The following MFHAS1 variants were observed in gnomAD, a reference collection of about 807,000 sequenced individuals.
MFHAS1 encodes the protein malignant fibrous histiocytoma-amplified sequence 1.
MFHAS1 carries 50 observed loss-of-function variants against 70.4 expected under a neutral mutation model. The ratio of observed to expected loss-of-function variants is 0.71; its 90% CI spans 0.57 to 0.90. The LOEUF (loss-of-function observed/expected upper bound fraction) is 0.90, where lower values mean the gene tolerates loss of function less well. MFHAS1 is among the 40% of genes least tolerant of loss of function. The probability of loss-of-function intolerance (pLI) is 0.00; values close to 1 mark genes in which losing one functional copy is unlikely to be tolerated. For synonymous variants in MFHAS1, 952 were observed against 620.0 expected, an observed-to-expected ratio of 1.54 and a Z score of -7.96; for missense variants, 1,795 against 1,347.6, an observed-to-expected ratio of 1.33 and a Z score of -5.20.
At chr8:8,844,651 A>T (rs1245893079) in intron 1 of MFHAS1, among the ~76,000 whole-genome samples, 1 of 152,140 alleles carries the variant, frequency 6.6e-6, no homozygotes, top group Non-Finnish European at 1.5e-5. Flanking sequence ...TTCTCAGACC[A>T]TCTCTCATGC....
chr8:8,890,814 G>C lies in MFHAS1; in HGVS notation c.2245C>G (p.Leu749Val). 1 of 1,614,226 alleles carries C rather than the reference G, an allele frequency of 6.2e-7. No homozygotes were observed. The highest frequency in any genetic ancestry group is 2.2e-5 in the East Asian group (1 of 44,888). ...VFFQRDPSLLLHKLLLGTSGE... is the reference protein window; with the variant it reads ...VFFQRDPSLLVHKLLLGTSGE... ...CTGGTCCCTAGGAGCAGCTTATGCA[G>C]CAGCAAAGAGGGATCCCTCTGGAAG... is the stretch of plus-strand genomic sequence containing the variant. The change falls in exon 1 of 3, where the codon CTG (leucine) becomes GTG (valine). Residue 749 changes from leucine to valine, a missense_variant. Physicochemically the swap from Leu to Val is conservative, Grantham distance 32. Transcript: ENST00000276282.
Position 8,890,951 on chromosome 8 carries a change from G to T in MFHAS1, c.2108C>A (p.Ala703Asp), listed in dbSNP as rs1306307772. 6.2e-7 allele frequency: 1 copy of T among 1,614,022 alleles called. No individual in the cohort carries two copies. The highest frequency in any genetic ancestry group is 1.1e-5 in the South Asian group (1 of 91,082). The change falls in exon 1 of 3, where the codon GCC (alanine) becomes GAC (aspartate). Residue 703 changes from alanine (A) to aspartate (D), a missense_variant. By Grantham distance (126) the Ala-to-Asp change is moderately radical. Transcript: ENST00000276282. ...GCCGCTCTCATGCAGGTAGGAGAGG[G>T]CACTCTGCAGTCGGTCCTCGGTCAG... ...AGLTEDRLQS[A>D]LSYLHESGKL...
At chr8:8,801,141 G>C (rs1282506439) in intron 1 of MFHAS1, among the ~76,000 whole-genome samples, 1 of 152,032 alleles carries the variant, frequency 6.6e-6, no homozygotes, top group African/African-American at 2.4e-5. Context: ...CTTGAACCTG[G>C]GAAGTGGAGG....
At chr8:8,815,127 T>C (rs1806693688) in intron 1 of MFHAS1, among the ~76,000 whole-genome samples, 1 of 152,212 alleles carries the variant, frequency 6.6e-6, no homozygotes, top group Non-Finnish European at 1.5e-5. Context: ...TTTGGTTTTC[T>C]GTTCCTGTGT....
chr8:8,828,422 G>A (rs1807245415), intron 1 of MFHAS1, among the ~76,000 whole-genome samples: 1 of 152,166 alleles, frequency 6.6e-6, no homozygotes, highest in Admixed American at 6.5e-5. Context: ...CTGACCTAGG[G>A]CAGTCTGAAG....
Position 8,892,747 on chromosome 8 carries a change from CG to C in MFHAS1, c.311del (p.Pro104ArgfsTer15). On this transcript the variant is annotated frameshift_variant, in exon 1 of 3. Transcript: ENST00000276282. LOFTEE classifies it high-confidence loss of function. The surrounding 1 kb of genome is among the most constrained non-coding windows in gnomAD (Gnocchi z 4.7). ...LRRNRFARLP[P>X]AVAELGHHLT... is the part of the protein sequence containing the mutation. Reference sequence around the variant, plus strand: ...GGTGGTGGCCGAGCTCGGCCACCGCCGGGGGCAGCCGGGCGAAGCGGTTCCT... The same window carrying C: ...GGTGGTGGCCGAGCTCGGCCACCGCCGGGGCAGCCGGGCGAAGCGGTTCCT... 5 of 1,573,798 alleles carry C rather than the reference CG, an allele frequency of 3.2e-6. No individual in the cohort carries two copies. Among genetic ancestry groups the C allele is most frequent in the Non-Finnish European group, 3.4e-6 (4 of 1,162,326 alleles).
At chr8:8,861,401 A>G (rs916625300) in intron 1 of MFHAS1, among the ~76,000 whole-genome samples, 2 of 152,198 alleles carry the variant, frequency 1.3e-5, no homozygotes, top group African/African-American at 4.8e-5. Flanking sequence ...ATAATCAATC[A>G]CACAAACTAA....
intron 1 of MFHAS1, among the ~76,000 whole-genome samples, chr8:8,874,325 A>G (rs1183371181): frequency 7.4e-6 from 1 of 135,664 alleles, no homozygotes; most frequent in African/African-American, 3.0e-5. Context: ...ATATACTATA[A>G]CATTCTACAC....
chr8:8,805,687 GT>G (rs1429755545), intron 1 of MFHAS1, among the ~76,000 whole-genome samples: 3 of 151,974 alleles, frequency 2.0e-5, no homozygotes, highest in Non-Finnish European at 4.4e-5. Context: ...TGTTTGGAGG[GT>G]TTTTTGTTTT....
intron 1 of MFHAS1, among the ~76,000 whole-genome samples, chr8:8,806,270 A>C (rs1308573709): frequency 6.6e-6 from 1 of 152,154 alleles, no homozygotes; most frequent in Non-Finnish European, 1.5e-5. Context: ...GTCCATTACA[A>C]CACTGGGATG....
At chr8:8,795,566 A>G (rs1464898760) in intron 2 of MFHAS1, among the ~76,000 whole-genome samples, 1 of 152,252 alleles carries the variant, frequency 6.6e-6, no homozygotes, top group Non-Finnish European at 1.5e-5. Context: ...GTGTTCGGTG[A>G]TATTTTCCAG....
At chr8:8,861,349 G>T (rs1194338783) in intron 1 of MFHAS1, among the ~76,000 whole-genome samples, 2 of 152,146 alleles carry the variant, frequency 1.3e-5, no homozygotes, top group Admixed American at 1.3e-4. Flanking sequence ...GGTCAAGAAT[G>T]ATTGGATATC....
rs778259092 is a variant in MFHAS1 at position 8,892,515 on chromosome 8, G to A, written c.544C>T (p.Arg182Cys). 8.1e-6 allele frequency: 13 copies of A among 1,598,510 alleles called. No homozygotes were observed. In the Admixed American group the frequency reaches 1.1e-4, roughly 13 times the overall value. Residue 182 changes from arginine to cysteine, a missense_variant, in exon 1 of 3, where the codon CGC (arginine) becomes TGC (cysteine). Transcript: ENST00000276282. The surrounding 1 kb of genome is among the most constrained non-coding windows in gnomAD (Gnocchi z 4.7). ...TGATCCACGTCCAGGGTGCGCAGGC[G>A]GGAGAGGCAGGAGAGGGAGTCAGGC... ...HLPDSLSCLS[R>C]LRTLDVDHNQ...
At chr8:8,855,379 T>C (rs1372395821) in intron 1 of MFHAS1, among the ~76,000 whole-genome samples, 1 of 152,218 alleles carries the variant, frequency 6.6e-6, no homozygotes, top group Non-Finnish European at 1.5e-5. Context: ...TGAACTAGAA[T>C]CATACAATGG....
chr8:8,840,453 T>C (rs1293204554), intron 1 of MFHAS1, among the ~76,000 whole-genome samples: 6 of 118,566 alleles, frequency 5.1e-5, no homozygotes, highest in Non-Finnish European at 8.2e-5. Context: ...TGAGACTCCA[T>C]CTCAATACAA....
intron 1 of MFHAS1, among the ~76,000 whole-genome samples, chr8:8,803,541 A>T (rs957719805): frequency 4.0e-5 from 6 of 151,896 alleles, no homozygotes; most frequent in African/African-American, 1.4e-4. Flanking sequence ...AGAAAGAAAA[A>T]GAAAACTAAA....
At chr8:8,813,469 C>A (rs1806625373) in intron 1 of MFHAS1, among the ~76,000 whole-genome samples, 2 of 152,140 alleles carry the variant, frequency 1.3e-5, no homozygotes, top group African/African-American at 4.8e-5. Flanking sequence ...TGAAGATCTT[C>A]CAGTGCGACA....
rs1805438445 is a variant in MFHAS1 at position 8,783,703 on chromosome 8, G to GCT, written c.*2317_*2318dup. On this transcript the variant is annotated 3_prime_UTR_variant, in exon 3 of 3. Coordinates refer to ENST00000276282, the MANE Select transcript of MFHAS1 (RefSeq NM_004225.3). Reference sequence around the variant, plus strand: ...TTGTTTGAGAGGCAAGGGACGCCTTGCTTAGAAAACATTCCTCTTGTGCTT... The same window carrying GCT: ...TTGTTTGAGAGGCAAGGGACGCCTTGCTCTTAGAAAACATTCCTCTTGTGCTT... The GCT allele has an allele frequency of 6.6e-6, 1 of 152,150 alleles. No individual in the cohort carries two copies. Among genetic ancestry groups the GCT allele is most frequent in the Non-Finnish European group, 1.5e-5 (1 of 68,034 alleles). 9.4% of individuals were successfully genotyped at this position (152,150 alleles called of 1,614,324 possible). A position where few individuals can be genotyped will look rare whatever the true frequency, so the allele number is the denominator to read the frequency against.
At chr8:8,856,118 T>C (rs1808428953) in intron 1 of MFHAS1, among the ~76,000 whole-genome samples, 1 of 152,142 alleles carries the variant, frequency 6.6e-6, no homozygotes, top group South Asian at 2.1e-4. Flanking sequence ...GATGAGGGAT[T>C]CCCCATGAAC....
Sources: gnomAD v4.1 joint callset for allele counts (sites outside exome capture counted in the v4.1 genomes callset) on GRCh38, gnomAD v4.1.1 for gene constraint, Gnocchi (gnomAD v3.1) non-coding constraint, MANE v1.5 for transcripts, NCBI Gene and HGNC (gene_info 2026-07-23, HGNC 2026-07-21) for gene names.